The following FGF14 variants were observed in gnomAD, a reference collection of about 807,000 sequenced individuals.
FGF14 encodes fibroblast growth factor homologous factor 4.
In FGF14, 5 loss-of-function variants were observed where a neutral mutation model predicts 25.5. That is an observed-to-expected ratio of 0.20 (90% CI 0.10 to 0.41). The LOEUF (loss-of-function observed/expected upper bound fraction) is 0.41, where lower values mean the gene tolerates loss of function less well. FGF14 is among the 10% of genes least tolerant of loss of function. The pLI is 1.00. For missense variants in FGF14, 222 were observed against 320.1 expected (o/e 0.69, Z 2.34); for synonymous variants, 138 against 118.3 (o/e 1.17, Z -1.08).
chr13:102,131,875 AT>A (rs1383139645), intron 1 of FGF14, among the ~76,000 whole-genome samples: 1 of 152,232 alleles, frequency 6.6e-6, no homozygotes, highest in Non-Finnish European at 1.5e-5. Flanking sequence ...ATAACGTGAG[AT>A]TCATCGAAAT....
chr13:102,277,439 C>T (rs1244968081), intron 1 of FGF14, among the ~76,000 whole-genome samples: 1 of 152,220 alleles, frequency 6.6e-6, no homozygotes, highest in African/African-American at 2.4e-5. Flanking sequence ...CATGCTGGCC[C>T]CACCGCGTGC....
At chr13:101,987,637 T>C (rs1006679525) in intron 1 of FGF14, among the ~76,000 whole-genome samples, 1 of 152,180 alleles carries the variant, frequency 6.6e-6, no homozygotes, top group Non-Finnish European at 1.5e-5. Flanking sequence ...CAAGAGAGCA[T>C]AATTTCATTT....
intron 3 of FGF14, among the ~76,000 whole-genome samples, chr13:101,759,088 A>G (rs2037838110): frequency 6.6e-6 from 1 of 152,206 alleles, no homozygotes; most frequent in Non-Finnish European, 1.5e-5. Flanking sequence ...TACTGCACAG[A>G]GTTATCGTGA....
At chr13:102,008,084 C>T (rs1222258945) in intron 1 of FGF14, among the ~76,000 whole-genome samples, 1 of 152,146 alleles carries the variant, frequency 6.6e-6, no homozygotes, top group Non-Finnish European at 1.5e-5. Flanking sequence ...AATTACCATC[C>T]TCTAGAGATC....
chr13:102,073,198 G>C (rs2140159496), intron 1 of FGF14, among the ~76,000 whole-genome samples: 1 of 152,280 alleles, frequency 6.6e-6, no homozygotes, highest in East Asian at 1.9e-4. Context: ...GTTGCAATGA[G>C]CTGAGATCAT....
At chr13:102,073,034 C>G (rs1022235751) in intron 1 of FGF14, among the ~76,000 whole-genome samples, 31 of 152,242 alleles carry the variant, frequency 2.0e-4, no homozygotes, top group African/African-American at 7.5e-4. Context: ...TTGAGGTTAA[C>G]AGTTCAAGAC....
chr13:102,309,705 G>A (rs1347210295), intron 1 of FGF14, among the ~76,000 whole-genome samples: 1 of 152,130 alleles, frequency 6.6e-6, no homozygotes, highest in African/African-American at 2.4e-5. Context: ...AATTGCAAAG[G>A]ATGAAGCAGC....
In FGF14 at chr13:102,289,702, TA is replaced by T. The variant is rs1373970248; in HGVS notation, c.208+111768del. ...CCCCTGCATTAGACTTTCAGACCCA[TA>T]AGAAGAGATTCTGTGTCATATCTTA... On this transcript the variant is annotated intron_variant, in intron 1 of 4. Transcript: ENST00000376131. Among the ~76,000 whole-genome samples, 5 of 152,286 alleles carry T rather than the reference TA, an allele frequency of 3.3e-5. No homozygotes were observed. The East Asian group carries it at 9.7e-4, about 29-fold the overall frequency.
chr13:101,742,084 CTG>C (rs2036593540), intron 3 of FGF14, among the ~76,000 whole-genome samples: 1 of 152,176 alleles, frequency 6.6e-6, no homozygotes, highest in African/African-American at 2.4e-5. Flanking sequence ...GTTCCCCTCC[CTG>C]TGTCCATGTG....
chr13:101,881,614 T>C (rs1020794439), intron 1 of FGF14, among the ~76,000 whole-genome samples: 1 of 145,796 alleles, frequency 6.9e-6, no homozygotes, highest in African/African-American at 2.6e-5. Flanking sequence ...TGATAACATT[T>C]GGGATCCAAG....
chr13:102,113,123 A>G (rs547631973), intron 1 of FGF14, among the ~76,000 whole-genome samples: 2 of 152,370 alleles, frequency 1.3e-5, no homozygotes, highest in African/African-American at 4.8e-5. Context: ...ATATTTCACC[A>G]TGTACTTACT....
intron 3 of FGF14, among the ~76,000 whole-genome samples, chr13:101,737,912 A>G (rs2036293812): frequency 1.3e-5 from 2 of 152,192 alleles, no homozygotes; most frequent in South Asian, 4.1e-4. Flanking sequence ...ATTTATATAA[A>G]TAGAAATGAA....
chr13:101,809,555 G>A (rs1378594218), intron 3 of FGF14, among the ~76,000 whole-genome samples: 1 of 152,148 alleles, frequency 6.6e-6, no homozygotes, highest in Admixed American at 6.6e-5. Context: ...GAGGACACAA[G>A]CTGGCAGACT....
chr13:102,000,809 G>A (rs1363945799), intron 1 of FGF14, among the ~76,000 whole-genome samples: 1 of 152,088 alleles, frequency 6.6e-6, no homozygotes, highest in Non-Finnish European at 1.5e-5. Flanking sequence ...GCTCCTTTTT[G>A]TACTCTTACA....
At chr13:101,842,002 T>C (rs2043219757) in intron 3 of FGF14, among the ~76,000 whole-genome samples, 1 of 152,006 alleles carries the variant, frequency 6.6e-6, no homozygotes, top group African/African-American at 2.4e-5. Context: ...ATTAAATGTA[T>C]TCAGTTTTAA....
intron 3 of FGF14, among the ~76,000 whole-genome samples, chr13:101,751,306 A>C (rs2037257873): frequency 6.6e-6 from 1 of 152,140 alleles, no homozygotes; most frequent in Admixed American, 6.6e-5. Flanking sequence ...TGGGAGCAAA[A>C]GGGGTTTATG....
intron 1 of FGF14, among the ~76,000 whole-genome samples, chr13:102,318,969 G>C (rs1420725231): frequency 6.6e-6 from 1 of 152,152 alleles, no homozygotes; most frequent in Admixed American, 6.5e-5. Flanking sequence ...AACTTGGGGT[G>C]TCGTGATTTT....
intron 1 of FGF14, among the ~76,000 whole-genome samples, chr13:102,358,685 G>A (rs1049071580): frequency 5.9e-5 from 9 of 152,088 alleles, no homozygotes; most frequent in African/African-American, 1.4e-4. Flanking sequence ...CACAAAATAC[G>A]TCTCTTAACA....
chr13:101,922,200 G>A (rs1283664941), intron 1 of FGF14, among the ~76,000 whole-genome samples: 11 of 152,116 alleles, frequency 7.2e-5, no homozygotes, highest in Admixed American at 7.2e-4. Context: ...GTCTGTCAAG[G>A]ATGAAGTACC....
Sources: gnomAD v4.1 joint callset for allele counts (sites outside exome capture counted in the v4.1 genomes callset) on GRCh38, gnomAD v4.1.1 for gene constraint, MANE v1.5 for transcripts, NCBI Gene and HGNC (gene_info 2026-07-23, HGNC 2026-07-21) for gene names.